The following ERBB4 variants were observed in gnomAD, a reference collection of about 807,000 sequenced individuals.
ERBB4 encodes the protein erb-b2 receptor tyrosine kinase 4, also known as receptor tyrosine-protein kinase erbB-4.
In ERBB4, 42 loss-of-function variants were observed where a neutral mutation model predicts 158.0. The observed-to-expected ratio is 0.27, with a 90% CI of 0.21 to 0.34. The LOEUF is 0.34. Ranked by LOEUF, ERBB4 falls within the 10% of genes least tolerant of loss-of-function variation. ERBB4 has a pLI of 1.00. For synonymous variants in ERBB4, 583 were observed against 558.7 expected (o/e 1.04, Z -0.61); for missense variants, 1,333 against 1,624.1 (o/e 0.82, Z 3.08).
intron 25 of ERBB4, among the ~76,000 whole-genome samples, chr2:211,403,343 C>T (rs543716497): frequency 1.3e-5 from 2 of 152,226 alleles, no homozygotes; most frequent in Admixed American, 6.5e-5. Context: ...GATACTAGCT[C>T]TTCAAAATTC....
chr2:212,145,043 C>T (rs2080618544), intron 1 of ERBB4, among the ~76,000 whole-genome samples: 2 of 152,226 alleles, frequency 1.3e-5, no homozygotes, highest in African/African-American at 4.8e-5. Context: ...CAGCCTTCTA[C>T]AGAATTAAGG....
chr2:211,919,460 G>C (rs1182273105), intron 3 of ERBB4, among the ~76,000 whole-genome samples: 1 of 151,960 alleles, frequency 6.6e-6, no homozygotes, highest in African/African-American at 2.4e-5. Flanking sequence ...AAAAATAGTA[G>C]TAGTCACTTA....
At chr2:211,790,407 A>G (rs1415768796) in intron 3 of ERBB4, among the ~76,000 whole-genome samples, 1 of 152,096 alleles carries the variant, frequency 6.6e-6, no homozygotes, top group Non-Finnish European at 1.5e-5. Context: ...AATAGTTCAT[A>G]CAAAGGAACA....
chr2:212,461,091 T>G (rs1047199547), intron 1 of ERBB4, among the ~76,000 whole-genome samples: 2 of 152,132 alleles, frequency 1.3e-5, no homozygotes, highest in African/African-American at 4.8e-5. Context: ...ATAGACACCA[T>G]CTGCTAGGGC....
intron 3 of ERBB4, among the ~76,000 whole-genome samples, chr2:211,827,922 A>G (rs755385035): frequency 1.5e-4 from 23 of 152,290 alleles, no homozygotes; most frequent in Non-Finnish European, 2.5e-4. Context: ...ATTCATGATC[A>G]TTCTAGGCCA....
intron 1 of ERBB4, among the ~76,000 whole-genome samples, chr2:212,399,591 G>T (rs1338010074): frequency 7.9e-6 from 1 of 126,504 alleles, no homozygotes; most frequent in Non-Finnish European, 1.7e-5. Context: ...TATATTGGGC[G>T]TGGTGTCTTA....
At chr2:212,091,590 T>C (rs1030881042) in intron 2 of ERBB4, among the ~76,000 whole-genome samples, 3 of 152,132 alleles carry the variant, frequency 2.0e-5, no homozygotes, top group African/African-American at 7.2e-5. Context: ...TTGAGAACTA[T>C]TAGACTGATG....
chr2:211,692,065 G>A (rs529382282), intron 12 of ERBB4, among the ~76,000 whole-genome samples: 8 of 152,278 alleles, frequency 5.3e-5, no homozygotes, highest in South Asian at 4.1e-4. Context: ...AGATAATAGC[G>A]ATAATAGAGA....
chr2:211,571,433 G>C (rs942531920), intron 19 of ERBB4, among the ~76,000 whole-genome samples: 1 of 152,046 alleles, frequency 6.6e-6, no homozygotes, highest in African/African-American at 2.4e-5. Flanking sequence ...TTTCTCTCGA[G>C]ATAAAAAATA....
intron 2 of ERBB4, among the ~76,000 whole-genome samples, chr2:212,086,753 C>CG (rs2078626356): frequency 6.6e-6 from 1 of 152,016 alleles, no homozygotes; most frequent in Non-Finnish European, 1.5e-5. Context: ...GTTAAAGCAA[C>CG]GGCTTCCCCT....
At chr2:211,474,931 A>G (rs2125534729) in intron 20 of ERBB4, among the ~76,000 whole-genome samples, 1 of 152,164 alleles carries the variant, frequency 6.6e-6, no homozygotes, top group East Asian at 1.9e-4. Flanking sequence ...AAGCAGTCAA[A>G]GAAAGGAAAG....
At chr2:211,443,575 A>G (rs536813745) in intron 20 of ERBB4, among the ~76,000 whole-genome samples, 1 of 152,196 alleles carries the variant, frequency 6.6e-6, no homozygotes, top group African/African-American at 2.4e-5. Flanking sequence ...TTAAAAGCAC[A>G]TATCATAAAA....
chr2:211,748,048 G>GT (rs1012138537), intron 5 of ERBB4, among the ~76,000 whole-genome samples: 5 of 151,358 alleles, frequency 3.3e-5, no homozygotes, highest in South Asian at 2.1e-4. Flanking sequence ...ATAATATATA[G>GT]TTTTTTATAT....
intron 12 of ERBB4, among the ~76,000 whole-genome samples, chr2:211,699,280 T>C (rs1559431494): frequency 6.6e-6 from 1 of 152,098 alleles, no homozygotes; most frequent in Non-Finnish European, 1.5e-5. Context: ...TATGCATATA[T>C]GTTTAGGTGT....
Position 212,399,545 on chromosome 2 carries a change from C to CATATATATATATAT in ERBB4, c.82+138890_82+138903dup, listed in dbSNP as rs869111881. On this transcript the variant is annotated intron_variant, in intron 1 of 27. Transcript: ENST00000342788. ...TCCCCTGATATATATTTTATATATACATATATATATATATATATATATATA... is the reference window on the plus strand; with the variant it reads ...TCCCCTGATATATATTTTATATATACATATATATATATATATATATATATATATATATATATATA... Among the ~76,000 whole-genome samples the CATATATATATATAT allele has an allele frequency of 1.4e-3, 55 of 38,040 alleles. 1 individual carries two copies. The highest frequency in any genetic ancestry group is 0.013 in the Middle Eastern group (1 of 76). 25.0% of individuals were successfully genotyped at this position (38,040 alleles called of 152,430 possible). A position where few individuals can be genotyped will look rare whatever the true frequency, so the allele number is the denominator to read the frequency against.
At chr2:211,724,239 G>T (rs2074192309) in intron 6 of ERBB4, among the ~76,000 whole-genome samples, 2 of 151,910 alleles carry the variant, frequency 1.3e-5, no homozygotes, top group African/African-American at 4.8e-5. Flanking sequence ...ACTATAGAAT[G>T]AGTATAGAAG....
chr2:211,565,979 G>A (rs1488381893), intron 19 of ERBB4, among the ~76,000 whole-genome samples: 2 of 152,172 alleles, frequency 1.3e-5, no homozygotes, highest in African/African-American at 4.8e-5. Context: ...GGAACAAGAA[G>A]AGTCACAGAA....
chr2:212,366,754 T>A (rs1244155547), intron 1 of ERBB4, among the ~76,000 whole-genome samples: 1 of 152,064 alleles, frequency 6.6e-6, no homozygotes, highest in Non-Finnish European at 1.5e-5. Flanking sequence ...CTCTATGGAT[T>A]AAATGAATTT....
At chr2:212,158,511 ATATCT>A (rs544404210) in intron 1 of ERBB4, among the ~76,000 whole-genome samples, 62 of 151,956 alleles carry the variant, frequency 4.1e-4, no homozygotes, top group Non-Finnish European at 6.8e-4. Context: ...TTTAATTTCA[ATATCT>A]TATATCTCCT....
Sources: gnomAD v4.1 joint callset for allele counts (sites outside exome capture counted in the v4.1 genomes callset) on GRCh38, gnomAD v4.1.1 for gene constraint, MANE v1.5 for transcripts, NCBI Gene and HGNC (gene_info 2026-07-23, HGNC 2026-07-21) for gene names.